DNAJC1: variants seen among roughly 807,000 people sequenced by gnomAD.
DNAJC1 encodes the protein DnaJ heat shock protein family (Hsp40) member C1.
A neutral mutation model predicts 76.6 loss-of-function variants in DNAJC1; 58 were observed. That is an observed-to-expected ratio of 0.76 (90% CI 0.61 to 0.94). The LOEUF (loss-of-function observed/expected upper bound fraction) is 0.94. Among genes scored for constraint, DNAJC1 ranks in the 40% least tolerant of loss-of-function variants. The pLI is 0.00. For missense variants in DNAJC1, 689 were observed against 677.3 expected, an observed-to-expected ratio of 1.02 and a Z score of -0.19; for synonymous variants, 258 against 267.9, an observed-to-expected ratio of 0.96 and a Z score of 0.36.
chr10:21,786,200 GT>G (rs757072266), intron 9 of DNAJC1, among the ~76,000 whole-genome samples: 2 of 151,812 alleles, frequency 1.3e-5, no homozygotes, highest in Non-Finnish European at 2.9e-5. Context: ...TAGCCCATTG[GT>G]TCTAGATCTC....
intron 8 of DNAJC1, among the ~76,000 whole-genome samples, chr10:21,862,622 T>C (rs1272457309): frequency 1.3e-5 from 2 of 151,598 alleles, no homozygotes; most frequent in African/African-American, 4.8e-5. Flanking sequence ...AGAGACAGGG[T>C]TTCGCTATGT....
chr10:21,919,806 TA>T, intron 5 of DNAJC1, 25 bp downstream of exon 5: 1 of 1,514,078 alleles, frequency 6.6e-7, no homozygotes, highest in Non-Finnish European at 9.0e-7. Flanking sequence ...AGCTTCAAAT[TA>T]TAAAGTATTT....
intron 8 of DNAJC1, among the ~76,000 whole-genome samples, chr10:21,808,133 A>G (rs1038657959): frequency 6.6e-6 from 1 of 152,188 alleles, no homozygotes; most frequent in Non-Finnish European, 1.5e-5. Context: ...CAAACCATAC[A>G]GTATGTACGA....
chr10:21,939,950 A>G (rs1837377800), intron 1 of DNAJC1, among the ~76,000 whole-genome samples: 1 of 150,984 alleles, frequency 6.6e-6, no homozygotes, highest in Non-Finnish European at 1.5e-5. Context: ...TCTCAAAAAA[A>G]AAAAAAAAAA....
intron 8 of DNAJC1, among the ~76,000 whole-genome samples, chr10:21,879,763 C>A (rs61851895): frequency 0.012 from 1,795 of 152,298 alleles, 16 homozygotes; most frequent in Admixed American, 0.019. Context: ...GTATTAATAA[C>A]CATCTGAGTC....
intron 8 of DNAJC1, among the ~76,000 whole-genome samples, chr10:21,859,758 C>T (rs1343429832): frequency 6.6e-6 from 1 of 152,034 alleles, no homozygotes; most frequent in Non-Finnish European, 1.5e-5. Flanking sequence ...GTCAGGGAAA[C>T]TAACAGATAA....
intron 8 of DNAJC1, 80 bp from the exon 9 acceptor site, chr10:21,806,179 G>A: frequency 6.8e-7 from 1 of 1,474,346 alleles, no homozygotes; most frequent in South Asian, 1.3e-5. Flanking sequence ...AAAGATAATT[G>A]AGAGATAATT....
At chr10:21,801,287 T>C (rs1216097032) in intron 9 of DNAJC1, among the ~76,000 whole-genome samples, 4 of 151,988 alleles carry the variant, frequency 2.6e-5, no homozygotes, top group Admixed American at 2.0e-4. Context: ...CCAGCATCTA[T>C]AAGGAGCTTA....
chr10:21,989,895 C>T (rs936725208), intron 1 of DNAJC1, among the ~76,000 whole-genome samples: 1 of 152,182 alleles, frequency 6.6e-6, no homozygotes, highest in Non-Finnish European at 1.5e-5. Context: ...GAAACTCACA[C>T]TCAAGATGGG....
At chr10:21,777,779 A>C (rs1272519555) in intron 9 of DNAJC1, among the ~76,000 whole-genome samples, 2 of 152,338 alleles carry the variant, frequency 1.3e-5, no homozygotes, top group Admixed American at 1.3e-4. Flanking sequence ...TCTCTTTTTA[A>C]AACTCACATC....
intron 8 of DNAJC1, among the ~76,000 whole-genome samples, chr10:21,809,289 A>T (rs1241193047): frequency 1.3e-5 from 2 of 152,020 alleles, no homozygotes; most frequent in Non-Finnish European, 2.9e-5. Flanking sequence ...TTGTATTTTT[A>T]TACTTTAATG....
At chr10:21,814,912 T>C (rs554675926) in intron 8 of DNAJC1, among the ~76,000 whole-genome samples, 1 of 152,280 alleles carries the variant, frequency 6.6e-6, no homozygotes, top group East Asian at 1.9e-4. Context: ...CTAGCCCTTA[T>C]GTTGAAATTT....
chr10:21,765,873 A>G (rs1834294657), intron 10 of DNAJC1, among the ~76,000 whole-genome samples: 1 of 152,170 alleles, frequency 6.6e-6, no homozygotes, highest in South Asian at 2.1e-4. Context: ...TGCCTGGGAA[A>G]GCTGTTAGCC....
At chr10:21,823,946 C>T (rs1156461788) in intron 8 of DNAJC1, among the ~76,000 whole-genome samples, 1 of 151,984 alleles carries the variant, frequency 6.6e-6, no homozygotes, top group African/African-American at 2.4e-5. Context: ...TCATGTGTTT[C>T]AATACATGAG....
intron 1 of DNAJC1, among the ~76,000 whole-genome samples, chr10:21,975,267 T>C (rs1347629352): frequency 2.0e-5 from 3 of 151,978 alleles, no homozygotes; most frequent in African/African-American, 7.3e-5. Flanking sequence ...AACCAGGTTA[T>C]TAATATCCCA....
intron 8 of DNAJC1, among the ~76,000 whole-genome samples, chr10:21,815,520 G>C (rs1007423328): frequency 4.6e-5 from 7 of 152,186 alleles, no homozygotes; most frequent in African/African-American, 1.7e-4. Context: ...TCTACCAGCA[G>C]TATCTATGAA....
At chr10:21,988,942 T>A (rs1838289193) in intron 1 of DNAJC1, among the ~76,000 whole-genome samples, 1 of 152,174 alleles carries the variant, frequency 6.6e-6, no homozygotes, top group Non-Finnish European at 1.5e-5. Context: ...TCTGGGTATC[T>A]CCAATAACAG....
At chr10:21,846,722 CCAAGTA>C (rs1564806589) in intron 8 of DNAJC1, among the ~76,000 whole-genome samples, 2 of 151,944 alleles carry the variant, frequency 1.3e-5, no homozygotes, top group African/African-American at 4.8e-5. Flanking sequence ...ACACTATATC[CCAAGTA>C]TCAAAGTGTT....
chr10:21,834,294 C>G (rs1221875025), intron 8 of DNAJC1, among the ~76,000 whole-genome samples: 4 of 151,908 alleles, frequency 2.6e-5, no homozygotes, highest in Admixed American at 2.6e-4. Context: ...GAAAGAGGGG[C>G]TCCCCAGTGA....
Sources: gnomAD v4.1 joint callset for allele counts (sites outside exome capture counted in the v4.1 genomes callset) on GRCh38, gnomAD v4.1.1 for gene constraint, MANE v1.5 for transcripts, NCBI Gene and HGNC (gene_info 2026-07-23, HGNC 2026-07-21) for gene names.